CEP63: variants seen among roughly 807,000 people sequenced by gnomAD.
CEP63 encodes the protein centrosomal protein of 63 kDa.
Under a neutral mutation model 89.1 loss-of-function variants are expected in CEP63, and 84 were observed. The observed-to-expected ratio is 0.94, with a 90% CI of 0.79 to 1.13. CEP63 has a LOEUF of 1.13. Among genes scored for constraint, CEP63 ranks in the 50% most tolerant of loss-of-function variants. The pLI is 0.00. For missense variants in CEP63, 838 were observed against 813.3 expected (o/e 1.03, Z -0.37); for synonymous variants, 267 against 272.5 (o/e 0.98, Z 0.20).
At chr3:134,518,088 G>T (rs1180463698) in intron 3 of CEP63, among the ~76,000 whole-genome samples, 1 of 151,948 alleles carries the variant, frequency 6.6e-6, no homozygotes, top group Non-Finnish European at 1.5e-5. Context: ...ATTATGAATG[G>T]GTCAGTTAAC....
intron 2 of CEP63, among the ~76,000 whole-genome samples, chr3:134,503,916 G>C (rs1942778007): frequency 6.6e-6 from 1 of 151,922 alleles, no homozygotes; most frequent in Admixed American, 6.6e-5. Flanking sequence ...CACATAGTTA[G>C]GTCTTGCTTT....
chr3:134,587,187 A>G (rs1396179658), intron 10 of CEP63, among the ~76,000 whole-genome samples: 9 of 151,848 alleles, frequency 5.9e-5, no homozygotes, highest in Admixed American at 5.9e-4. Flanking sequence ...TCTGAAGCCT[A>G]CTTCTGTCAA....
the CEP63 span, chr3:134,651,205 G>A: frequency 1.4e-5 from 19 of 1,324,334 alleles, no homozygotes; most frequent in Non-Finnish European, 1.7e-5. Flanking sequence ...GGAAATCCCC[G>A]GGCCCAAGCC....
At position 134,564,875 on chromosome 3, in the gene CEP63, C is replaced by G. The variant is rs1330694423; in HGVS notation, c.*3340C>G. On this transcript the variant is annotated 3_prime_UTR_variant, in exon 15 of 15. Transcript: ENST00000675561. ...GAAATACTTAAGGAATCATGAGGTA[C>G]TATGTATTTCCTTAAATTATACTGT... is the stretch of plus-strand genomic sequence containing the variant. 1.0e-6 allele frequency: 1 copy of G among 985,092 alleles called. No individual in the cohort carries two copies. The highest frequency in any genetic ancestry group is 1.1e-4 in the East Asian group (1 of 8,812). The allele number at this position is 985,092 out of a possible 1,614,324, so 61.0% of individuals were successfully genotyped here.
the CEP63 span, among the ~76,000 whole-genome samples, chr3:134,747,976 G>A: frequency 6.6e-6 from 1 of 152,152 alleles, no homozygotes; most frequent in Non-Finnish European, 1.5e-5. Flanking sequence ...AGTAGAGACA[G>A]GGTTTCACCA....
the CEP63 span, among the ~76,000 whole-genome samples, chr3:134,635,412 G>A: frequency 3.4e-4 from 50 of 148,042 alleles, no homozygotes; most frequent in South Asian, 8.4e-3. Context: ...CAGGAGAATC[G>A]CTTGGACCTG....
Position 134,562,333 on chromosome 3 carries a change from G to A in CEP63, c.*798G>A. 1.7e-6 allele frequency: 1 copy of A among 590,326 alleles called. No homozygotes were observed. The highest frequency in any genetic ancestry group is 2.1e-6 in the Non-Finnish European group (1 of 468,938). 36.6% of individuals were successfully genotyped at this position (590,326 alleles called of 1,614,324 possible). A position where few individuals can be genotyped will look rare whatever the true frequency, so the allele number is the denominator to read the frequency against. On this transcript the variant is annotated 3_prime_UTR_variant, in exon 15 of 15. Transcript: ENST00000675561. ...TGGAGAGAGAGAGGAGCAGGAGGCT[G>A]GGTTTGGGGCCCTGAAAGATGCCAG...
At chr3:134,585,402 G>A in intron 10 of CEP63, among the ~76,000 whole-genome samples, 1 of 151,962 alleles carries the variant, frequency 6.6e-6, no homozygotes. Flanking sequence ...TGTTCTCATT[G>A]GTTTCAAAGA....
the CEP63 span, among the ~76,000 whole-genome samples, chr3:134,667,526 T>C: frequency 6.6e-6 from 1 of 152,226 alleles, no homozygotes; most frequent in South Asian, 2.1e-4. Flanking sequence ...GGACAAGGAA[T>C]TTATCCCCTC....
chr3:134,524,879 G>A (rs764246900), intron 3 of CEP63, among the ~76,000 whole-genome samples: 20 of 152,148 alleles, frequency 1.3e-4, no homozygotes, highest in Non-Finnish European at 2.6e-4. Flanking sequence ...TTGGTATCAG[G>A]TTGATGCACA....
the CEP63 span, chr3:134,603,466 G>C: frequency 1.1e-6 from 1 of 941,724 alleles, no homozygotes; most frequent in South Asian, 1.7e-5. Context: ...CAGAGGCCTA[G>C]AAGGGATTTC....
chr3:134,550,132 T>C lies in CEP63; in HGVS notation c.1252T>C (p.Ser418Pro). 1 of 1,613,926 alleles carries C rather than the reference T, an allele frequency of 6.2e-7. No homozygotes were observed. Among genetic ancestry groups the C allele is most frequent in the Non-Finnish European group, 8.5e-7 (1 of 1,179,806 alleles). The change falls in exon 11 of 15, where the codon TCC (serine) becomes CCC (proline). Residue 418 changes from serine (S) to proline (P), a missense_variant. Physicochemically the swap from Ser to Pro is moderately conservative, Grantham distance 74 (BLOSUM62 -1). Transcript: ENST00000675561. The stretch of plus-strand genomic sequence containing the variant: ...ACTAGAAGGAATGAAGATGGAAATC[T>C]CCCATCTAACTCAGGAGTTACATCA... Reference protein sequence around the residue: ...SALEGMKMEISHLTQELHQRD... With the variant: ...SALEGMKMEIPHLTQELHQRD...
At chr3:134,755,717 C>G in the CEP63 span, 1 of 152,186 alleles carries the variant, frequency 6.6e-6, no homozygotes, top group African/African-American at 2.4e-5. Flanking sequence ...AAGTCCCCTG[C>G]GTAGCCTGGA....
intron 6 of CEP63, among the ~76,000 whole-genome samples, chr3:134,537,963 C>T (rs1228875699): frequency 6.6e-6 from 1 of 152,150 alleles, no homozygotes; most frequent in Non-Finnish European, 1.5e-5. Context: ...CAGACACCTA[C>T]TTTAGGAATA....
At chr3:134,569,775 C>A (rs946444789), downstream of CEP63, among the ~76,000 whole-genome samples, 1 of 152,200 alleles carries the variant, frequency 6.6e-6, no homozygotes, top group African/African-American at 2.4e-5. Context: ...GGGCTCTGAC[C>A]CCACATTTCC....
the CEP63 span, among the ~76,000 whole-genome samples, chr3:134,638,186 G>A: frequency 6.6e-6 from 1 of 152,216 alleles, no homozygotes; most frequent in African/African-American, 2.4e-5. Flanking sequence ...GCCTGGGCTG[G>A]ACACGCTGTT....
chr3:134,668,041 G>A, the CEP63 span, among the ~76,000 whole-genome samples: 1 of 152,168 alleles, frequency 6.6e-6, no homozygotes, highest in Non-Finnish European at 1.5e-5. Flanking sequence ...TCCTGGGAGG[G>A]GACTCCTTGG....
the CEP63 span, among the ~76,000 whole-genome samples, chr3:134,715,438 T>C: frequency 6.6e-6 from 1 of 152,046 alleles, no homozygotes; most frequent in Non-Finnish European, 1.5e-5. Context: ...TTATGCATGA[T>C]AGACATGGGG....
intron 10 of CEP63, among the ~76,000 whole-genome samples, chr3:134,581,275 A>G (rs1354407092): frequency 6.6e-6 from 1 of 152,182 alleles, no homozygotes; most frequent in Non-Finnish European, 1.5e-5. Flanking sequence ...AATATACCAC[A>G]TTAACGAAAT....
Sources: gnomAD v4.1 joint callset for allele counts (sites outside exome capture counted in the v4.1 genomes callset) on GRCh38, gnomAD v4.1.1 for gene constraint, MANE v1.5 for transcripts, NCBI Gene and HGNC (gene_info 2026-07-23, HGNC 2026-07-21) for gene names.